Variants in LARS1 observed in about 807,000 individuals in gnomAD.
LARS1 encodes leucine--tRNA ligase, cytoplasmic.
A neutral mutation model predicts 162.8 loss-of-function variants in LARS1; 100 were observed. The observed-to-expected ratio is 0.61, with a 90% CI of 0.52 to 0.73. The LOEUF (loss-of-function observed/expected upper bound fraction) is 0.73, where lower values mean the gene tolerates loss of function less well. Among genes scored for constraint, LARS1 ranks in the 30% least tolerant of loss-of-function variants. LARS1 has a pLI of 0.00. For synonymous variants in LARS1, 457 were observed against 462.8 expected (o/e 0.99, Z 0.16); for missense variants, 1,258 against 1,408.9 (o/e 0.89, Z 1.71).
Position 146,153,888 on chromosome 5 carries a change from T to C in LARS1, c.1153+5A>G, listed in dbSNP as rs1753407196. The C allele has an allele frequency of 2.5e-6, 4 of 1,609,494 alleles. No individual in the cohort carries two copies. In the East Asian group the frequency reaches 6.7e-5, roughly 27 times the overall value. The stretch of plus-strand genomic sequence containing the variant: ...AATATTTCTAGAAATAAATAAACTC[T>C]TTACCTTTATCCTCCTTAATAGTTA... On this transcript the variant is annotated splice_donor_5th_base_variant and intron_variant, in intron 11 of 31. Transcript: ENST00000394434.
chr5:146,174,409 C>T (rs1445041163), intron 2 of LARS1, among the ~76,000 whole-genome samples: 2 of 145,338 alleles, frequency 1.4e-5, no homozygotes, highest in Admixed American at 7.3e-5. Context: ...CACACCATTG[C>T]ACTCCAGCCT....
intron 31 of LARS1, among the ~76,000 whole-genome samples, chr5:146,118,046 T>G (rs1237323784): frequency 6.6e-6 from 1 of 152,234 alleles, no homozygotes; most frequent in African/African-American, 2.4e-5. Flanking sequence ...GAAATCAGTA[T>G]GTTGAAGAGA....
intron 15 of LARS1, among the ~76,000 whole-genome samples, chr5:146,147,444 T>C (rs576613035): frequency 3.9e-5 from 6 of 152,006 alleles, no homozygotes; most frequent in Non-Finnish European, 8.8e-5. Flanking sequence ...GAACAATTAT[T>C]GAACTGGCCC....
chr5:146,153,977 T>A lies in LARS1; in HGVS notation c.1069A>T (p.Ile357Phe). 1.9e-6 allele frequency: 3 copies of A among 1,596,484 alleles called. No individual in the cohort carries two copies. The highest frequency in any genetic ancestry group is 2.6e-6 in the Non-Finnish European group (3 of 1,173,078). The change falls in exon 11 of 32, where the codon ATT (isoleucine) becomes TTT (phenylalanine). Residue 357 changes from isoleucine to phenylalanine, a missense_variant. Coordinates refer to ENST00000394434, the MANE Select transcript of LARS1 (RefSeq NM_020117.11). ...PVVKELMGEE[I>F]LGASLSAPLT... ...GGTGCAGAAAGTGATGCACCAAGAA[T>A]TTCCTGCATAAGAAAAAAATCAATA...
chr5:146,137,910 G>C (rs1423364057), intron 21 of LARS1: 1 of 177,174 alleles, frequency 5.6e-6, no homozygotes. Context: ...CGGATCATGA[G>C]GTCAGTTTGA....
rs545471096 is a variant in LARS1, at chr5:146,145,269, G to T, written c.1504-560C>A. 1.9e-3 allele frequency among the ~76,000 whole-genome samples: 271 copies of T among 141,216 alleles called. 1 individual carries two copies. The highest frequency in any genetic ancestry group is 3.7e-3 in the Non-Finnish European group (231 of 61,976). The allele number at this position is 141,216 out of a possible 152,430, so 92.6% of individuals were successfully genotyped here. A position where few individuals can be genotyped will look rare whatever the true frequency, so the allele number is the denominator to read the frequency against. On this transcript the variant is annotated intron_variant, in intron 15 of 31. Coordinates refer to ENST00000394434, the MANE Select transcript of LARS1 (RefSeq NM_020117.11). Reference sequence around the variant, plus strand: ...CAGTTAATTTTTTAATTTTTTTATAGAAATAGGGTCTCACTATGTTGCCCA... The same window carrying T: ...CAGTTAATTTTTTAATTTTTTTATATAAATAGGGTCTCACTATGTTGCCCA...
At chr5:146,119,634 G>A (rs956307776) in intron 31 of LARS1, among the ~76,000 whole-genome samples, 5 of 152,112 alleles carry the variant, frequency 3.3e-5, no homozygotes, top group Non-Finnish European at 4.4e-5. Flanking sequence ...TCTGCTCACC[G>A]TAGGACCTGG....
intron 15 of LARS1, among the ~76,000 whole-genome samples, chr5:146,149,124 C>A (rs1753155871): frequency 1.3e-5 from 2 of 152,016 alleles, no homozygotes; most frequent in African/African-American, 4.8e-5. Context: ...AATGTTACCC[C>A]CTCCAAGGAA....
intron 10 of LARS1, 24 bp downstream of exon 10, chr5:146,157,379 T>A (rs1235778421): frequency 6.3e-7 from 1 of 1,593,088 alleles, no homozygotes; most frequent in African/African-American, 1.3e-5. Flanking sequence ...CGCATTAAAA[T>A]AAAAAATCTG....
At chr5:146,149,590 A>C (rs779358686) in intron 15 of LARS1, 32 bp downstream of exon 15, 5 of 1,504,294 alleles carry the variant, frequency 3.3e-6, no homozygotes, top group Non-Finnish European at 4.6e-6. Flanking sequence ...AGCTCTTCTA[A>C]AACAGCCTTC....
At position 146,153,736 on chromosome 5, in the gene LARS1, G is replaced by A; in HGVS notation, c.1228C>T (p.Gln410Ter). ...AAACATGAAACTCAGATACTTACTT[G>A]CTTTTTCTTCAAGTCTCTGAGGGCA... ...IAALRDLKKKQALRAKYGIRD... is the reference protein window; with the variant it reads ...IAALRDLKKK The change falls in exon 12 of 32, where the codon CAA becomes TAA. Residue 410 changes from glutamine (Q) to a stop codon, truncating the protein, a stop_gained and splice_region_variant. Transcript: ENST00000394434. LOFTEE classifies it high-confidence loss of function. The A allele has an allele frequency of 2.5e-6, 4 of 1,611,862 alleles. No individual in the cohort carries two copies. Among genetic ancestry groups the A allele is most frequent in the Non-Finnish European group, 3.4e-6 (4 of 1,177,974 alleles).
At position 146,182,542 on chromosome 5, in the gene LARS1, C is replaced by T. The variant is rs759335899; in HGVS notation, c.-49G>A. On this transcript the variant is annotated 5_prime_UTR_variant, in exon 1 of 32. Transcript: ENST00000394434. Reference sequence around the variant, plus strand: ...AATCCACGACAATGACCCTGGCGACCTCCACAAAGGAGTGGTTACCTTTCC... The same window carrying T: ...AATCCACGACAATGACCCTGGCGACTTCCACAAAGGAGTGGTTACCTTTCC... The T allele has an allele frequency of 8.1e-6, 13 of 1,613,796 alleles. No individual in the cohort carries two copies. The South Asian group carries it at 8.8e-5, about 11-fold the overall frequency.
At chr5:146,121,830 G>T (rs1751834653) in intron 30 of LARS1, among the ~76,000 whole-genome samples, 1 of 152,076 alleles carries the variant, frequency 6.6e-6, no homozygotes, top group Non-Finnish European at 1.5e-5. Flanking sequence ...CTGTCAGGGT[G>T]GGGTGGGCAA....
At position 146,160,831 on chromosome 5, in the gene LARS1, A is replaced by G. The variant is rs560252456; in HGVS notation, c.595-345T>C. 3.9e-5 allele frequency among the ~76,000 whole-genome samples: 6 copies of G among 152,302 alleles called. No individual in the cohort carries two copies. In the South Asian group the frequency reaches 1.2e-3, roughly 32 times the overall value. ...CTTTCTACTAATTGTTAATATGTCAATATACATTCTAATTCAACAAATAGT... is the reference window on the plus strand; with the variant it reads ...CTTTCTACTAATTGTTAATATGTCAGTATACATTCTAATTCAACAAATAGT... On this transcript the variant is annotated intron_variant, in intron 6 of 31. Coordinates refer to ENST00000394434, the MANE Select transcript of LARS1 (RefSeq NM_020117.11).
At chr5:146,158,575 A>G (rs1203378309) in intron 8 of LARS1, among the ~76,000 whole-genome samples, 2 of 152,344 alleles carry the variant, frequency 1.3e-5, no homozygotes, top group East Asian at 3.9e-4. Context: ...AATGTTAATA[A>G]TGTGTTCTAC....
intron 25 of LARS1, 152 bp from the exon 26 acceptor site, chr5:146,129,270 CCT>C (rs1266239334): frequency 9.0e-6 from 5 of 556,004 alleles, no homozygotes; most frequent in Non-Finnish European, 1.5e-5. Flanking sequence ...TTGCACAGCC[CCT>C]GATCTAATGT....
intron 10 of LARS1, among the ~76,000 whole-genome samples, chr5:146,155,938 G>T (rs1753505764): frequency 6.6e-6 from 1 of 152,172 alleles, no homozygotes; most frequent in South Asian, 2.1e-4. Context: ...ATAGAGAATG[G>T]TTAAGTAAAT....
Position 146,164,322 on chromosome 5 carries a change from TC to T in LARS1, c.581del (p.Arg194LysfsTer4). 6.2e-7 allele frequency: 1 copy of T among 1,613,960 alleles called. No homozygotes were observed. Among genetic ancestry groups the T allele is most frequent in the Non-Finnish European group, 8.5e-7 (1 of 1,179,902 alleles). ...FPPLAIQDLK[R>X]MGLKVDWRRS... ...TTTATAGACATACCTTCAAACCCATTCTTTTTAAATCCTGAATAGCCAGTGG... is the reference window on the plus strand; with the variant it reads ...TTTATAGACATACCTTCAAACCCATTTTTTTAAATCCTGAATAGCCAGTGG... On this transcript the variant is annotated frameshift_variant, in exon 6 of 32. Coordinates refer to ENST00000394434, the MANE Select transcript of LARS1 (RefSeq NM_020117.11). LOFTEE classifies it high-confidence loss of function.
intron 25 of LARS1, 48 bp from the exon 26 acceptor site, chr5:146,129,166 ATAAC>A: frequency 6.8e-7 from 1 of 1,473,334 alleles, no homozygotes; most frequent in South Asian, 1.3e-5. Context: ...ATTAGACAAT[ATAAC>A]TATTTTACGG....
Sources: allele counts gnomAD v4.1 joint callset (sites outside exome capture counted in the v4.1 genomes callset), GRCh38; gene constraint gnomAD v4.1.1; transcripts MANE v1.5; gene names NCBI Gene and HGNC (gene_info 2026-07-23, HGNC 2026-07-21).